FMN2: variants seen among roughly 807,000 people sequenced by gnomAD.
FMN2 encodes the protein formin-2.
In FMN2, 51 loss-of-function variants were observed where a neutral mutation model predicts 142.3. The observed-to-expected ratio is 0.36, with a 90% CI of 0.29 to 0.45. FMN2 has a LOEUF of 0.45. FMN2 is among the 20% of genes least tolerant of loss of function. The pLI, the probability that FMN2 is intolerant of heterozygous loss-of-function variation, is 1.00. For synonymous variants in FMN2, 882 were observed against 869.8 expected (o/e 1.01, Z -0.25); for missense variants, 1,936 against 2,122.8 (o/e 0.91, Z 1.73).
chr1:240,302,125 T>TG (rs1165289913), intron 8 of FMN2, among the ~76,000 whole-genome samples: 1 of 152,076 alleles, frequency 6.6e-6, no homozygotes, highest in African/African-American at 2.4e-5. Context: ...GCTGTCTTTA[T>TG]TCTTTTATTC....
chr1:240,329,340 T>C lies in FMN2; in HGVS notation c.4309T>C (p.Phe1437Leu). 6.2e-7 allele frequency: 1 copy of C among 1,609,886 alleles called. No individual in the cohort carries two copies. Among genetic ancestry groups the C allele is most frequent in the Non-Finnish European group, 8.5e-7 (1 of 1,179,026 alleles). The change falls in exon 10 of 18, where the codon TTC becomes CTC. Residue 1437 changes from phenylalanine to leucine, a missense_variant and splice_region_variant. This residue lies in a region of FMN2 where 322 missense variants were observed against 401.6 expected (regional missense o/e 0.80). Transcript: ENST00000319653. ...NAKSLDKPEQ[F>L]LYELSLIPNF... ...CTTAACTTGGCTTTATTTCCTTAGG[T>C]TCCTTTATGAACTGTCACTAATCCC...
At chr1:240,288,269 G>A (rs537914401) in intron 7 of FMN2, among the ~76,000 whole-genome samples, 6 of 152,234 alleles carry the variant, frequency 3.9e-5, no homozygotes, top group East Asian at 3.9e-4. Context: ...TCTACAGAAC[G>A]TATCTCATAT....
At chr1:240,216,111 A>G in intron 6 of FMN2, among the ~76,000 whole-genome samples, 2 of 152,302 alleles carry the variant, frequency 1.3e-5, no homozygotes, top group South Asian at 4.1e-4. Flanking sequence ...TAAATACATA[A>G]GCTTCCGTAA....
intron 8 of FMN2, among the ~76,000 whole-genome samples, chr1:240,304,587 C>T (rs897538477): frequency 6.6e-6 from 1 of 152,192 alleles, no homozygotes; most frequent in African/African-American, 2.4e-5. Context: ...GGGCTCTGGC[C>T]GTTTAATCCC....
At chr1:240,349,964 T>A (rs200699845) in intron 13 of FMN2, among the ~76,000 whole-genome samples, 12 of 151,842 alleles carry the variant, frequency 7.9e-5, no homozygotes, top group Admixed American at 2.6e-4. Context: ...ATTTTTTTTT[T>A]TTATTTACAT....
intron 6 of FMN2, among the ~76,000 whole-genome samples, chr1:240,252,534 A>G (rs1457479927): frequency 7.1e-6 from 1 of 141,396 alleles, no homozygotes; most frequent in Non-Finnish European, 1.5e-5. Context: ...TGGGAAGAGT[A>G]TCTTGGGCTG....
chr1:240,402,415 T>C (rs1234839448), intron 15 of FMN2, among the ~76,000 whole-genome samples: 1 of 152,254 alleles, frequency 6.6e-6, no homozygotes, highest in Non-Finnish European at 1.5e-5. Context: ...GAATAAATGG[T>C]TTAACTGAAC....
Position 240,457,057 on chromosome 1 carries a change from G to A in FMN2, c.5061-15315G>A, listed in dbSNP as rs1676270416. ...CCGCTCACCCTGGGCCTCATCATCT[G>A]ATAGTTCAGCTATGCCAGCACTGGT... On this transcript the variant is annotated intron_variant, in intron 16 of 17. Coordinates refer to ENST00000319653, the MANE Select transcript of FMN2 (RefSeq NM_020066.5). Among the ~76,000 whole-genome samples, 13 of 130,944 alleles carry A rather than the reference G, an allele frequency of 9.9e-5. No individual in the cohort carries two copies. The Admixed American group carries it at 1.1e-3, about 11-fold the overall frequency. 85.9% of individuals were successfully genotyped at this position (130,944 alleles called of 152,430 possible). A position where few individuals can be genotyped will look rare whatever the true frequency, so the allele number is the denominator to read the frequency against.
chr1:240,328,079 C>T (rs367830939), intron 8 of FMN2, among the ~76,000 whole-genome samples: 30 of 137,202 alleles, frequency 2.2e-4, no homozygotes, highest in African/African-American at 7.9e-4. Flanking sequence ...ACCCGGGAGG[C>T]GCAGGTTGTA....
At chr1:240,458,608 C>A (rs954649688) in intron 16 of FMN2, 2 of 152,040 alleles carry the variant, frequency 1.3e-5, no homozygotes, top group African/African-American at 4.8e-5. Context: ...CTTTTCTGAG[C>A]TATTTGACAC....
In FMN2 at chr1:240,348,571, G is replaced by A. The variant is rs144998332; in HGVS notation, c.4766-7245G>A. Among the ~76,000 whole-genome samples the A allele has an allele frequency of 5.4e-3, 817 of 150,606 alleles. 2 individuals carry two copies. Among genetic ancestry groups the A allele is most frequent in the South Asian group, 0.024 (112 of 4,762 alleles). On this transcript the variant is annotated intron_variant, in intron 13 of 17. Coordinates refer to ENST00000319653, the MANE Select transcript of FMN2 (RefSeq NM_020066.5). ...TTTAAGAAAAGCCATTCTGACTGGC[G>A]TGAGATGGAAAGAGATCACTTTTCA...
At chr1:240,290,786 TTTTTTTG>T (rs1243537888) in intron 7 of FMN2, among the ~76,000 whole-genome samples, 1 of 96,216 alleles carries the variant, frequency 1.0e-5, no homozygotes, top group Admixed American at 1.1e-4. Flanking sequence ...TTTGGTTTTT[TTTTTTTG>T]TTTTTTTTTT....
intron 7 of FMN2, among the ~76,000 whole-genome samples, chr1:240,272,613 A>C (rs1158318790): frequency 6.6e-6 from 1 of 152,160 alleles, no homozygotes; most frequent in Non-Finnish European, 1.5e-5. Context: ...GAGAAGATGC[A>C]ATAATTGACA....
At chr1:240,309,751 G>A (rs1371158282) in intron 8 of FMN2, among the ~76,000 whole-genome samples, 2 of 152,108 alleles carry the variant, frequency 1.3e-5, no homozygotes, top group African/African-American at 2.4e-5. Context: ...AAGGGGGACC[G>A]GGAGCTGCTG....
rs895315968 is a variant in FMN2, at chr1:240,376,659, A to T, written c.4859-15852A>T. Among the ~76,000 whole-genome samples, 3 of 152,164 alleles carry T rather than the reference A, an allele frequency of 2.0e-5. No homozygotes were observed. The South Asian group carries it at 6.2e-4, about 31-fold the overall frequency. ...CATTATTACAGAGATAATTTAAAGT[A>T]TATATGAGGATGTGTGTAGGTTATA... is the stretch of plus-strand genomic sequence containing the variant. On this transcript the variant is annotated intron_variant, in intron 14 of 17. Transcript: ENST00000319653.
rs563695907 is a variant in FMN2, at chr1:240,180,712, G to A, written c.1930+2644G>A. On this transcript the variant is annotated intron_variant, in intron 3 of 17. Transcript: ENST00000319653. ...CTCCGGAGTAGCTGGGATTACATGC[G>A]CCCAACACCATGCCAAGCTAATTTT... Among the ~76,000 whole-genome samples, 7 of 151,258 alleles carry A rather than the reference G, an allele frequency of 4.6e-5. No homozygotes were observed. The East Asian group carries it at 7.9e-4, about 17-fold the overall frequency.
intron 4 of FMN2, among the ~76,000 whole-genome samples, chr1:240,202,638 C>G (rs894244390): frequency 1.3e-5 from 2 of 151,944 alleles, no homozygotes; most frequent in African/African-American, 4.8e-5. Flanking sequence ...ATTTATTTTC[C>G]ATTTTTGTTG....
intron 2 of FMN2, among the ~76,000 whole-genome samples, chr1:240,138,246 G>A (rs1039729990): frequency 6.6e-6 from 1 of 151,920 alleles, no homozygotes; most frequent in Non-Finnish European, 1.5e-5. Context: ...GTTTTAGAGA[G>A]AGCATTCTGG....
chr1:240,154,126 A>T (rs1001914499), intron 2 of FMN2, among the ~76,000 whole-genome samples: 1 of 149,784 alleles, frequency 6.7e-6, no homozygotes, highest in African/African-American at 2.5e-5. Flanking sequence ...AAAAAAAAAA[A>T]AAAAAGTGTT....
Sources: allele counts gnomAD v4.1 joint callset (sites outside exome capture counted in the v4.1 genomes callset), GRCh38; gene constraint gnomAD v4.1.1; regional missense constraint gnomAD v4.1.1; transcripts MANE v1.5; gene names NCBI Gene and HGNC (gene_info 2026-07-23, HGNC 2026-07-21).